KIF19: variants seen among roughly 807,000 people sequenced by gnomAD.
KIF19 encodes kinesin-like protein KIF19.
KIF19 carries 98 observed loss-of-function variants against 106.6 expected under a neutral mutation model. The ratio of observed to expected loss-of-function variants is 0.92; its 90% confidence interval spans 0.78 to 1.09. The LOEUF is 1.09. Ranked by LOEUF, KIF19 falls within the 50% of genes least tolerant of loss-of-function variation. The pLI, the probability that KIF19 is intolerant of heterozygous loss-of-function variation, is 0.00. For synonymous variants in KIF19, 516 were observed against 584.2 expected (o/e 0.88, Z 1.68); for missense variants, 1,373 against 1,414.3 (o/e 0.97, Z 0.47).
At position 74,350,524 on chromosome 17, in the gene KIF19, G is replaced by A. The variant is rs753560033; in HGVS notation, c.1337G>A (p.Arg446His). The change falls in exon 11 of 20, where the codon CGC (arginine) becomes CAC (histidine). Residue 446 changes from arginine (R) to histidine (H), a missense_variant. Physicochemically the swap from Arg to His is conservative, Grantham distance 29 (BLOSUM62 0). Around this residue, in one of 3 missense-constraint regions of KIF19, gnomAD observed 1,020 missense variants for 1,008.2 expected, o/e 1.01. Coordinates refer to ENST00000389916, the MANE Select transcript of KIF19 (RefSeq NM_153209.4). ...AGGCGCCTGCTGGAGCTGGAGAACC[G>A]CGCCATGGAGGTCCAGATTGACACC... Reference protein sequence around the residue: ...VRRRLLELENRAMEVQIDTSR... With the variant: ...VRRRLLELENHAMEVQIDTSR... 9.9e-6 allele frequency: 16 copies of A among 1,612,770 alleles called. No individual in the cohort carries two copies. The Admixed American group carries it at 1.0e-4, about 10-fold the overall frequency.
At chr17:74,332,214 G>GTGTGTGTGTGTT (rs2054111044) in intron 2 of KIF19, among the ~76,000 whole-genome samples, 1 of 54,460 alleles carries the variant, frequency 1.8e-5, no homozygotes, top group Admixed American at 1.5e-4. Flanking sequence ...GTGTGTTTGT[G>GTGTGTGTGTGTT]TGTGTGTGTG....
At position 74,352,346 on chromosome 17, in the gene KIF19, TG is replaced by T; in HGVS notation, c.1980+9del. On this transcript the variant is annotated splice_region_variant and intron_variant, in intron 14 of 19. Transcript: ENST00000389916. ...TGGCCTCCAGGGCCCTGCAGGTGGG[TG>T]GGCGCCTGGGCGGCCTGAACATGGG... The T allele has an allele frequency of 1.2e-6, 2 of 1,600,742 alleles. No individual in the cohort carries two copies. The highest frequency in any genetic ancestry group is 1.7e-6 in the Non-Finnish European group (2 of 1,174,914).
chr17:74,327,775 G>A (rs1273691519), intron 1 of KIF19, among the ~76,000 whole-genome samples: 1 of 152,228 alleles, frequency 6.6e-6, no homozygotes, highest in Non-Finnish European at 1.5e-5. Flanking sequence ...CAGGCCTGAA[G>A]GAGTCTTCAC....
chr17:74,354,604 G>A, intron 18 of KIF19, 45 bp downstream of exon 18: 1 of 1,557,774 alleles, frequency 6.4e-7, no homozygotes, highest in Non-Finnish European at 8.7e-7. Flanking sequence ...TCCCATAGCA[G>A]CTGGAGGCCT....
At chr17:74,354,635 G>A in intron 18 of KIF19, 76 bp downstream of exon 18, 1 of 1,540,416 alleles carries the variant, frequency 6.5e-7, no homozygotes. Context: ...TTTCTCCAAA[G>A]GCTCCAGGGC....
Position 74,352,839 on chromosome 17 carries a change from A to T in KIF19, c.1999A>T (p.Ile667Phe), listed in dbSNP as rs776396578. The part of the protein sequence containing the change: ...RALQDSSLPK[I>F]TPAGTSLTPD... ...TCCCCAGGACAGCTCCTTGCCCAAA[A>T]TTACCCCAGCAGGAACCTCACTGAC... The change falls in exon 15 of 20, where the codon ATT (isoleucine) becomes TTT (phenylalanine). Residue 667 changes from isoleucine (I) to phenylalanine (F), a missense_variant. By Grantham distance (21) the Ile-to-Phe change is conservative. Around this residue, in one of 3 missense-constraint regions of KIF19, gnomAD observed 1,020 missense variants for 1,008.2 expected, o/e 1.01. Transcript: ENST00000389916. 1.3e-5 allele frequency: 21 copies of T among 1,613,704 alleles called. No individual in the cohort carries two copies. Among genetic ancestry groups the T allele is most frequent in the Non-Finnish European group, 1.6e-5 (19 of 1,179,854 alleles).
Position 74,344,884 on chromosome 17 carries a change from A to G in KIF19, c.706A>G (p.Asn236Asp), listed in dbSNP as rs201328999. 412 of 1,612,652 alleles carry G rather than the reference A, an allele frequency of 2.6e-4. 2 individuals carry two copies. The highest frequency in any genetic ancestry group is 2.2e-3 in the Middle Eastern group (13 of 5,984). The change falls in exon 7 of 20, where the codon AAC becomes GAC. Residue 236 changes from asparagine to aspartate, a missense_variant. By Grantham distance (23) the Asn-to-Asp change is conservative (BLOSUM62 1). This residue lies in a region of KIF19 where 348 missense variants were observed against 389.5 expected (regional missense o/e 0.89). Transcript: ENST00000389916. The stretch of plus-strand genomic sequence containing the variant: ...CGTGCGCCAGCGCAGCCGGGTCAAG[A>G]ACATCTTGCAGGAGGTGCGGCAGGG... ...VTVRQRSRVK[N>D]ILQEVRQGRL... is the part of the protein sequence containing the mutation.
chr17:74,354,629 T>C, intron 18 of KIF19, 70 bp downstream of exon 18: 1 of 1,542,152 alleles, frequency 6.5e-7, no homozygotes, highest in Non-Finnish European at 8.7e-7. Context: ...GCTGGATTTC[T>C]CCAAAGGCTC....
chr17:74,343,230 C>T (rs72852205), intron 5 of KIF19, 70 bp downstream of exon 5: 404,029 of 1,517,672 alleles, frequency 0.27, 56,023 homozygotes, highest in Middle Eastern at 0.35. Flanking sequence ...TGCAGCTTCC[C>T]GGGGCGCTCA....
Position 74,329,684 on chromosome 17 carries a change from C to T in KIF19, c.120+1179C>T, listed in dbSNP as rs142200408. On this transcript the variant is annotated intron_variant, in intron 2 of 19. Transcript: ENST00000389916. ...AGAGGTGTGAATGGGCTGGGCCAAA[C>T]CACATACTCTGTAGACCATGGCCAG... Among the ~76,000 whole-genome samples, 617 of 152,076 alleles carry T rather than the reference C, an allele frequency of 4.1e-3. 7 individuals are homozygous for T. The highest frequency in any genetic ancestry group is 7.0e-3 in the Non-Finnish European group (479 of 68,004).
Position 74,346,655 on chromosome 17 carries a change from A to G in KIF19, c.924+131A>G. Reference sequence around the variant, plus strand: ...CAGCAAAATTTATTTTAGCGTAAATATGTCCCATGAAATATTTGGGATATT... The same window carrying G: ...CAGCAAAATTTATTTTAGCGTAAATGTGTCCCATGAAATATTTGGGATATT... On this transcript the variant is annotated intron_variant, in intron 8 of 19. Coordinates refer to ENST00000389916, the MANE Select transcript of KIF19 (RefSeq NM_153209.4). The surrounding 1 kb of genome is among the most constrained non-coding windows in gnomAD (Gnocchi z 4.6). The G allele has an allele frequency of 1.3e-6, 1 of 792,950 alleles. No individual in the cohort carries two copies. Among genetic ancestry groups the G allele is most frequent in the African/African-American group, 1.7e-5 (1 of 57,382 alleles). 49.1% of individuals were successfully genotyped at this position (792,950 alleles called of 1,614,324 possible).
In KIF19 at chr17:74,355,179, C is replaced by T. The variant is rs369046196; in HGVS notation, c.2867-3C>T. ...ACTGATCCTGCCCCTTTCCCTGTTG[C>T]AGGCCCGGGGGACTCCTCACCCCTG... On this transcript the variant is annotated splice_region_variant and splice_polypyrimidine_tract_variant and intron_variant, in intron 19 of 19. Coordinates refer to ENST00000389916, the MANE Select transcript of KIF19 (RefSeq NM_153209.4). The T allele has an allele frequency of 3.0e-5, 48 of 1,589,724 alleles. No individual in the cohort carries two copies. Among genetic ancestry groups the T allele is most frequent in the Non-Finnish European group, 4.0e-5 (47 of 1,166,098 alleles).
rs547257814 is a variant in KIF19 at position 74,342,749 on chromosome 17, C to A, written c.319+32C>A. ...GGAATGCCCAGACTGTGGGCGAGGACCGCAATGCCCCTGTAATCCCCGTCA... is the reference window on the plus strand; with the variant it reads ...GGAATGCCCAGACTGTGGGCGAGGAACGCAATGCCCCTGTAATCCCCGTCA... On this transcript the variant is annotated intron_variant, in intron 4 of 19. Transcript: ENST00000389916. 7.3e-5 allele frequency: 114 copies of A among 1,571,166 alleles called. No individual in the cohort carries two copies. In the South Asian group the frequency reaches 1.1e-3, roughly 15 times the overall value.
Position 74,355,670 on chromosome 17 carries a change from A to ACGGGGCTCCTGGCCCACGTGTGGGGCC in KIF19, c.*362_*363insGCTCCTGGCCCACGTGTGGGGCCCGGG. On this transcript the variant is annotated 3_prime_UTR_variant, in exon 20 of 20. Transcript: ENST00000389916. ...GGGGCTCCTGGCCCACGTGTGGGGC[A>ACGGGGCTCCTGGCCCACGTGTGGGGCC]CGGGCATCCTGGATGGTTGGGGAGG... is the stretch of plus-strand genomic sequence containing the variant. 5.1e-6 allele frequency: 1 copy of ACGGGGCTCCTGGCCCACGTGTGGGGCC among 196,510 alleles called. No homozygotes were observed. The highest frequency in any genetic ancestry group is 2.3e-5 in the African/African-American group (1 of 43,500). 12.2% of individuals were successfully genotyped at this position (196,510 alleles called of 1,614,324 possible).
intron 10 of KIF19, among the ~76,000 whole-genome samples, chr17:74,350,181 G>T (rs1178746047): frequency 6.6e-6 from 1 of 152,208 alleles, no homozygotes; most frequent in Non-Finnish European, 1.5e-5. Context: ...TTCATACCAA[G>T]GAGCTGGGAA....
At chr17:74,337,956 A>G (rs1391722260) in intron 2 of KIF19, among the ~76,000 whole-genome samples, 1 of 152,252 alleles carries the variant, frequency 6.6e-6, no homozygotes, top group Non-Finnish European at 1.5e-5. Flanking sequence ...GCCCGGACAG[A>G]TGGAACCCAG....
intron 13 of KIF19, 29 bp from the exon 14 acceptor site, chr17:74,352,190 C>T (rs908376796): frequency 6.3e-7 from 1 of 1,593,746 alleles, no homozygotes; most frequent in Non-Finnish European, 8.6e-7. Flanking sequence ...GCCGCTGGCA[C>T]TCACTGAGCC....
chr17:74,339,942 T>A (rs1050863434), intron 2 of KIF19, among the ~76,000 whole-genome samples: 1 of 151,868 alleles, frequency 6.6e-6, no homozygotes, highest in Non-Finnish European at 1.5e-5. Context: ...GATGGCAGAG[T>A]CATGGGTGCG....
chr17:74,333,346 C>T (rs2054142210), intron 2 of KIF19, among the ~76,000 whole-genome samples: 1 of 150,924 alleles, frequency 6.6e-6, no homozygotes, highest in Non-Finnish European at 1.5e-5. Flanking sequence ...TGGAATCATG[C>T]AGTATGTGGT....
Sources: allele counts gnomAD v4.1 joint callset (sites outside exome capture counted in the v4.1 genomes callset), GRCh38; gene constraint gnomAD v4.1.1; regional missense constraint gnomAD v4.1.1; non-coding constraint Gnocchi (gnomAD v3.1); transcripts MANE v1.5; gene names NCBI Gene and HGNC (gene_info 2026-07-23, HGNC 2026-07-21).